Variants in LINS1 observed in about 807,000 individuals in gnomAD.
LINS1 encodes the protein protein Lines homolog 1.
LINS1 carries 27 observed loss-of-function variants against 41.6 expected under a neutral mutation model. The ratio of observed to expected loss-of-function variants is 0.65; its 90% confidence interval spans 0.48 to 0.89. LINS1 has a LOEUF of 0.89. LINS1 is among the 40% of genes least tolerant of loss of function. The pLI is 0.00. For missense variants in LINS1, 955 were observed against 884.1 expected (o/e 1.08, Z -1.02); for synonymous variants, 336 against 312.9 (o/e 1.07, Z -0.78).
intron 1 of LINS1, among the ~76,000 whole-genome samples, chr15:100,588,054 C>A (rs1335884337): frequency 6.6e-6 from 1 of 152,230 alleles, no homozygotes; most frequent in Non-Finnish European, 1.5e-5. Flanking sequence ...GTAAATGTCA[C>A]TGTTTATCTC....
chr15:100,569,633 C>T lies in LINS1; in HGVS notation c.1879G>A (p.Val627Ile). Reference protein sequence around the residue: ...LSSPRASQSLVDYDSSDDSDV... With the variant: ...LSSPRASQSLIDYDSSDDSDV... ...GAATCGTCAGAGCTGTCGTAATCTA[C>T]CAGACTTTGAGAGGCCCGGGGGGAA... Residue 627 changes from valine to isoleucine, a missense_variant, in exon 7 of 7, where the codon GTA becomes ATA. Transcript: ENST00000314742. 6.2e-7 allele frequency: 1 copy of T among 1,613,080 alleles called. No homozygotes were observed. The highest frequency in any genetic ancestry group is 8.5e-7 in the Non-Finnish European group (1 of 1,179,216).
At chr15:100,588,883 A>G (rs2411840) in intron 1 of LINS1, among the ~76,000 whole-genome samples, 68,216 of 152,094 alleles carry the variant, frequency 0.45, 15,984 homozygotes, top group Non-Finnish European at 0.53. Context: ...GAATTTATGC[A>G]AGAAATGTTG....
At chr15:100,573,580 T>G (rs1462852485) in intron 5 of LINS1, 71 bp downstream of exon 5, 2 of 1,001,346 alleles carry the variant, frequency 2.0e-6, no homozygotes, top group Admixed American at 4.1e-5. Flanking sequence ...GTCCTGAGAT[T>G]TGATAATTAT....
At chr15:100,597,630 T>C (rs1326735888) in intron 1 of LINS1, among the ~76,000 whole-genome samples, 2 of 152,256 alleles carry the variant, frequency 1.3e-5, no homozygotes, top group Admixed American at 6.5e-5. Context: ...ACTTAGTTGC[T>C]AAATTATAAC....
intron 4 of LINS1, among the ~76,000 whole-genome samples, chr15:100,574,573 T>G (rs2038045388): frequency 6.6e-6 from 1 of 152,086 alleles, no homozygotes; most frequent in African/African-American, 2.4e-5. Context: ...CTGGGTGTGG[T>G]GGTGAGCGCC....
chr15:100,592,878 T>C (rs951916436), intron 1 of LINS1, among the ~76,000 whole-genome samples: 2 of 152,248 alleles, frequency 1.3e-5, no homozygotes, highest in African/African-American at 4.8e-5. Context: ...TAAACTCCTC[T>C]TAATTACACT....
intron 5 of LINS1, chr15:100,573,361 A>C: frequency 8.1e-7 from 1 of 1,241,242 alleles, no homozygotes; most frequent in African/African-American, 1.6e-5. Context: ...TAAATACTTG[A>C]ATATGAATTG....
chr15:100,577,983 G>A (rs1459364687), intron 3 of LINS1, among the ~76,000 whole-genome samples: 1 of 152,174 alleles, frequency 6.6e-6, no homozygotes. Flanking sequence ...GTAGAAAGCT[G>A]AAACTGGATC....
At chr15:100,590,602 G>A (rs773405133) in intron 1 of LINS1, among the ~76,000 whole-genome samples, 3 of 152,228 alleles carry the variant, frequency 2.0e-5, no homozygotes, top group Non-Finnish European at 4.4e-5. Flanking sequence ...AAAGGCTACA[G>A]TTATGTAACA....
chr15:100,569,706 T>C lies in LINS1; in HGVS notation c.1806A>G (p.Lys602=). ...TGTGAGCCCCCTTGGACATCACAGC[T>C]TTCAGTGGTTCAGAGGGAGCATCGG... The part of the protein sequence containing the change: ...WASDAPSEPL[K]AVMSKGAHTM... Residue 602 remains lysine (K), a synonymous_variant, in exon 7 of 7, where the codon AAA becomes AAG. Coordinates refer to ENST00000314742, the MANE Select transcript of LINS1 (RefSeq NM_001040616.3). 1 of 1,613,900 alleles carries C rather than the reference T, an allele frequency of 6.2e-7. No individual in the cohort carries two copies.
chr15:100,571,486 A>C (rs1318110446), intron 6 of LINS1, among the ~76,000 whole-genome samples: 1 of 152,234 alleles, frequency 6.6e-6, no homozygotes, highest in Non-Finnish European at 1.5e-5. Context: ...ACGAAAATTC[A>C]GAACAGCTTC....
At chr15:100,594,377 T>G (rs2039159646) in intron 1 of LINS1, among the ~76,000 whole-genome samples, 1 of 152,126 alleles carries the variant, frequency 6.6e-6, no homozygotes. Context: ...TTGATTTTGG[T>G]TAATGATCAC....
At chr15:100,598,013 T>C (rs2039321964) in intron 1 of LINS1, among the ~76,000 whole-genome samples, 2 of 152,378 alleles carry the variant, frequency 1.3e-5, no homozygotes, top group East Asian at 3.9e-4. Flanking sequence ...TTCCAGCCTC[T>C]GGGCCTTGAT....
In LINS1 at chr15:100,569,731, G is replaced by GA. The variant is rs1276656996; in HGVS notation, c.1780dup (p.Ser594PhefsTer6). 1 of 1,613,728 alleles carries GA rather than the reference G, an allele frequency of 6.2e-7. No homozygotes were observed. Among genetic ancestry groups the GA allele is most frequent in the African/African-American group, 1.3e-5 (1 of 74,898 alleles). On this transcript the variant is annotated frameshift_variant, in exon 7 of 7. Transcript: ENST00000314742. LOFTEE classifies it low-confidence loss of function (END_TRUNC). ...TTTCAGTGGTTCAGAGGGAGCATCG[G>GA]AAGCCCAGGAGTGCCGAGCACACAC...
chr15:100,569,918 G>C lies in LINS1; in HGVS notation c.1594C>G (p.Gln532Glu), dbSNP rs1176553320. 1.2e-6 allele frequency: 2 copies of C among 1,602,264 alleles called. No homozygotes were observed. The highest frequency in any genetic ancestry group is 2.7e-5 in the African/African-American group (2 of 74,516). Residue 532 changes from glutamine (Q) to glutamate (E), a missense_variant, in exon 7 of 7, where the codon CAA becomes GAA. Coordinates refer to ENST00000314742, the MANE Select transcript of LINS1 (RefSeq NM_001040616.3). ...GTGAAAAAATTATCCCAGTCCTTTT[G>C]CAGTAATTTTAAATATCTAACAAAA... ...EYFVRYLKLLQKDWDNFFTIC... is the reference protein window; with the variant it reads ...EYFVRYLKLLEKDWDNFFTIC...
At chr15:100,593,994 G>A (rs1295815636) in intron 1 of LINS1, among the ~76,000 whole-genome samples, 3 of 152,038 alleles carry the variant, frequency 2.0e-5, no homozygotes, top group African/African-American at 4.8e-5. Context: ...GTCACCCCTC[G>A]GTATCTGTGG....
rs531236996 is a variant in LINS1, at chr15:100,601,697, G to A, written c.-104+424C>T. ...ATCTTGTTCACTGTTGTCTCCCCAG[G>A]GACTAGAACAGTGGCCAGTAAACAC... On this transcript the variant is annotated intron_variant, in intron 1 of 6. Coordinates refer to ENST00000314742, the MANE Select transcript of LINS1 (RefSeq NM_001040616.3). 5.3e-4 allele frequency among the ~76,000 whole-genome samples: 80 copies of A among 152,046 alleles called. 1 individual carries two copies. Among genetic ancestry groups the A allele is most frequent in the African/African-American group, 1.9e-3 (79 of 41,468 alleles).
At chr15:100,572,323 A>C in intron 5 of LINS1, 1 of 1,263,962 alleles carries the variant, frequency 7.9e-7, no homozygotes, top group Non-Finnish European at 1.0e-6. Flanking sequence ...ACAACTGCCT[A>C]ACAACTGTCT....
At position 100,575,118 on chromosome 15, in the gene LINS1, C is replaced by T; in HGVS notation, c.500G>A (p.Ser167Asn). Residue 167 changes from serine to asparagine, a missense_variant, in exon 4 of 7, where the codon AGT becomes AAT. Physicochemically the swap from Ser to Asn is conservative, Grantham distance 46 (BLOSUM62 1). Transcript: ENST00000314742. ...CTGGCAAAAAGCAATCCAGGAATTACTTAAGGTTATCTACAAGTGAGAAAA... is the reference window on the plus strand; with the variant it reads ...CTGGCAAAAAGCAATCCAGGAATTATTTAAGGTTATCTACAAGTGAGAAAA... ...YFQLREKITL[S>N]NSWIAFCQKN... The T allele has an allele frequency of 6.2e-7, 1 of 1,611,424 alleles. No individual in the cohort carries two copies. The highest frequency in any genetic ancestry group is 8.5e-7 in the Non-Finnish European group (1 of 1,179,178).
Sources: gnomAD v4.1 joint callset for allele counts (sites outside exome capture counted in the v4.1 genomes callset) on GRCh38, gnomAD v4.1.1 for gene constraint, MANE v1.5 for transcripts, NCBI Gene and HGNC (gene_info 2026-07-23, HGNC 2026-07-21) for gene names.